The following CALN1 variants were observed in gnomAD, a reference collection of about 807,000 sequenced individuals.
CALN1 encodes calcium-binding protein 8.
CALN1 carries 17 observed loss-of-function variants against 30.6 expected under a neutral mutation model. The observed-to-expected ratio is 0.56, with a 90% CI of 0.38 to 0.83. The LOEUF (loss-of-function observed/expected upper bound fraction) is 0.83. CALN1 is among the 40% of genes least tolerant of loss of function. The probability of loss-of-function intolerance (pLI) is 0.00; values close to 1 mark genes in which losing one functional copy is unlikely to be tolerated. For missense variants in CALN1, 291 were observed against 354.9 expected, an observed-to-expected ratio of 0.82 and a Z score of 1.45; for synonymous variants, 156 against 131.4, an observed-to-expected ratio of 1.19 and a Z score of -1.28.
intron 5 of CALN1, among the ~76,000 whole-genome samples, chr7:71,847,810 G>GAA (rs1228518060): frequency 5.2e-5 from 3 of 57,784 alleles, no homozygotes; most frequent in Admixed American, 2.3e-4. Flanking sequence ...AAGAAAAGAA[G>GAA]GAGAAGGAGA....
intron 2 of CALN1, among the ~76,000 whole-genome samples, chr7:72,329,956 A>T (rs897543178): frequency 4.6e-5 from 7 of 151,900 alleles, no homozygotes; most frequent in Admixed American, 1.3e-4. Flanking sequence ...TCCGTCTCAA[A>T]AAATAAATAA....
intron 5 of CALN1, among the ~76,000 whole-genome samples, chr7:71,857,030 G>GTGTC (rs1312776090): frequency 6.7e-6 from 1 of 150,052 alleles, no homozygotes; most frequent in African/African-American, 2.5e-5. Context: ...GTGTGTGTGT[G>GTGTC]TGTGTGTGTG....
At chr7:72,234,653 C>T (rs566385126) in intron 3 of CALN1, among the ~76,000 whole-genome samples, 5 of 152,238 alleles carry the variant, frequency 3.3e-5, no homozygotes, top group African/African-American at 1.2e-4. Flanking sequence ...ACTATGTTGG[C>T]CAGGCTGGTC....
intron 4 of CALN1, among the ~76,000 whole-genome samples, chr7:72,066,787 A>T (rs1020932394): frequency 5.6e-4 from 80 of 142,178 alleles, no homozygotes; most frequent in Non-Finnish European, 9.9e-4. Flanking sequence ...ATTTTATTTT[A>T]TTTTTTTTTT....
chr7:71,919,771 A>C (rs756859747), intron 5 of CALN1, among the ~76,000 whole-genome samples: 6 of 152,142 alleles, frequency 3.9e-5, no homozygotes, highest in Non-Finnish European at 7.4e-5. Flanking sequence ...CACACACACA[A>C]AAACCCTACA....
intron 4 of CALN1, among the ~76,000 whole-genome samples, chr7:72,057,149 G>A (rs1288593945): frequency 6.6e-6 from 1 of 151,902 alleles, no homozygotes; most frequent in African/African-American, 2.4e-5. Context: ...GTCTCACCAT[G>A]TTGCCCAGAC....
At chr7:71,794,996 G>A (rs1469650547) in intron 6 of CALN1, among the ~76,000 whole-genome samples, 2 of 151,112 alleles carry the variant, frequency 1.3e-5, no homozygotes, top group Non-Finnish European at 3.0e-5. Flanking sequence ...GATCAGTGGT[G>A]CCTTCTGATC....
At chr7:72,375,530 T>TA (rs1804503521) in intron 2 of CALN1, among the ~76,000 whole-genome samples, 2 of 143,320 alleles carry the variant, frequency 1.4e-5, no homozygotes, top group African/African-American at 5.2e-5. Context: ...TGCACCACTG[T>TA]ACTCCACCCT....
intron 2 of CALN1, among the ~76,000 whole-genome samples, chr7:72,286,325 T>C (rs1798076954): frequency 6.6e-6 from 1 of 152,158 alleles, no homozygotes; most frequent in Admixed American, 6.5e-5. Context: ...TAGCTACTCA[T>C]GGATCATAAC....
rs562006049 is a variant in CALN1, at chr7:71,860,127, C to T, written c.502-49635G>A. On this transcript the variant is annotated intron_variant, in intron 5 of 6. Transcript: ENST00000395275. The stretch of plus-strand genomic sequence containing the variant: ...TACCCTGTATAAACAAGCATTGTAC[C>T]TAGGGTGGGTGCATTCCTCCTTTCG... Among the ~76,000 whole-genome samples the T allele has an allele frequency of 2.0e-5, 3 of 152,138 alleles. No individual in the cohort carries two copies. The East Asian group carries it at 5.8e-4, about 29-fold the overall frequency.
At chr7:71,915,484 A>G (rs1400317596) in intron 5 of CALN1, among the ~76,000 whole-genome samples, 6 of 152,144 alleles carry the variant, frequency 3.9e-5, no homozygotes, top group Non-Finnish European at 7.3e-5. Context: ...CTGTAATCCC[A>G]GCACTTTGGG....
intron 5 of CALN1, among the ~76,000 whole-genome samples, chr7:71,912,892 C>T (rs1224896788): frequency 1.3e-5 from 2 of 152,160 alleles, no homozygotes; most frequent in Non-Finnish European, 2.9e-5. Context: ...GATTCTCAGA[C>T]TCAGCAGTTT....
intron 5 of CALN1, among the ~76,000 whole-genome samples, chr7:71,890,109 T>C (rs1793155665): frequency 6.6e-6 from 1 of 152,166 alleles, no homozygotes; most frequent in South Asian, 2.1e-4. Context: ...AGCTTTTATT[T>C]ATTTATTTTT....
intron 5 of CALN1, among the ~76,000 whole-genome samples, chr7:71,898,781 C>A (rs1425936980): frequency 2.6e-5 from 4 of 152,184 alleles, no homozygotes; most frequent in Non-Finnish European, 5.9e-5. Flanking sequence ...TGATGGCTGA[C>A]AGATTGCCCT....
chr7:72,186,373 A>C (rs770181074), intron 3 of CALN1, among the ~76,000 whole-genome samples: 1 of 152,088 alleles, frequency 6.6e-6, no homozygotes, highest in Non-Finnish European at 1.5e-5. Flanking sequence ...GAAGACAGCA[A>C]GAGTGGAAGT....
rs1350961654 is a variant in CALN1, at chr7:72,114,309, G to GAAGGGAAGGGAAGGC, written c.245-8016_245-8015insGCCTTCCCTTCCCTT. Reference sequence around the variant, plus strand: ...GAAGGGAAGGGAAGGGAAGGGAAGGGAAGGCAACACTGTAGTTTACGTGAT... The same window carrying GAAGGGAAGGGAAGGC: ...GAAGGGAAGGGAAGGGAAGGGAAGGGAAGGGAAGGGAAGGCAAGGCAACACTGTAGTTTACGTGAT... On this transcript the variant is annotated intron_variant, in intron 3 of 6. Coordinates refer to ENST00000395275, the MANE Select transcript of CALN1 (RefSeq NM_031468.4). Among the ~76,000 whole-genome samples, 151 of 97,904 alleles carry GAAGGGAAGGGAAGGC rather than the reference G, an allele frequency of 1.5e-3. 1 individual carries two copies. Among genetic ancestry groups the GAAGGGAAGGGAAGGC allele is most frequent in the Middle Eastern group, 5.1e-3 (1 of 198 alleles). 64.2% of individuals were successfully genotyped at this position (97,904 alleles called of 152,430 possible).
chr7:72,494,814 C>G, the CALN1 span, among the ~76,000 whole-genome samples: 17 of 152,224 alleles, frequency 1.1e-4, no homozygotes, highest in African/African-American at 4.1e-4. Context: ...CTGCAGTGAG[C>G]TATGATTGTG....
chr7:71,999,323 A>G (rs897822872), intron 5 of CALN1, among the ~76,000 whole-genome samples: 2 of 152,204 alleles, frequency 1.3e-5, no homozygotes, highest in African/African-American at 4.8e-5. Context: ...TTCACAATAC[A>G]TGAAGCAAAA....
At chr7:72,226,639 G>A (rs7780171) in intron 3 of CALN1, among the ~76,000 whole-genome samples, 1 of 152,300 alleles carries the variant, frequency 6.6e-6, no homozygotes, top group South Asian at 2.1e-4. Flanking sequence ...ACACTGTAGA[G>A]ATAAGAAAGA....
Sources: allele counts gnomAD v4.1 joint callset (sites outside exome capture counted in the v4.1 genomes callset), GRCh38; gene constraint gnomAD v4.1.1; transcripts MANE v1.5; gene names NCBI Gene and HGNC (gene_info 2026-07-23, HGNC 2026-07-21).